The following ZBBX variants were observed in gnomAD, a reference collection of about 807,000 sequenced individuals.
ZBBX encodes zinc finger B-box domain containing, also known as zinc finger B-box domain-containing protein 1.
Under a neutral mutation model 108.5 loss-of-function variants are expected in ZBBX, and 101 were observed. The ratio of observed to expected loss-of-function variants is 0.93; its 90% CI spans 0.79 to 1.10. ZBBX has a LOEUF of 1.10. ZBBX is among the 50% of genes least tolerant of loss of function. ZBBX has a pLI of 0.00. For missense variants in ZBBX, 1,009 were observed against 941.4 expected, an observed-to-expected ratio of 1.07 and a Z score of -0.94; for synonymous variants, 356 against 323.4, an observed-to-expected ratio of 1.10 and a Z score of -1.08.
intron 20 of ZBBX, among the ~76,000 whole-genome samples, chr3:167,272,064 A>T (rs1233616817): frequency 6.6e-6 from 1 of 152,198 alleles, no homozygotes; most frequent in Non-Finnish European, 1.5e-5. Context: ...AGTAGAAAGG[A>T]TGAATCAAAC....
the ZBBX span, among the ~76,000 whole-genome samples, chr3:167,204,850 T>C: frequency 2.6e-5 from 4 of 151,842 alleles, no homozygotes; most frequent in African/African-American, 9.7e-5. Context: ...TTAGAAAAGG[T>C]CTGTGATAAA....
intron 11 of ZBBX, among the ~76,000 whole-genome samples, chr3:167,326,209 T>G (rs543550465): frequency 4.6e-5 from 7 of 152,168 alleles, no homozygotes; most frequent in Non-Finnish European, 8.8e-5. Context: ...AATGATTGTG[T>G]GTATCTCTAT....
chr3:167,237,103 A>T (rs1720262109), downstream of ZBBX, among the ~76,000 whole-genome samples: 1 of 151,762 alleles, frequency 6.6e-6, no homozygotes, highest in Non-Finnish European at 1.5e-5. Flanking sequence ...AATAGCTGAG[A>T]AGCCATTTCA....
At chr3:167,335,016 C>T (rs1029513043) in intron 9 of ZBBX, among the ~76,000 whole-genome samples, 3 of 152,092 alleles carry the variant, frequency 2.0e-5, no homozygotes, top group Admixed American at 6.6e-5. Context: ...TCTGCATTCA[C>T]GCCATTACTC....
At chr3:167,211,329 G>C in the ZBBX span, among the ~76,000 whole-genome samples, 1 of 152,172 alleles carries the variant, frequency 6.6e-6, no homozygotes, top group African/African-American at 2.4e-5. Flanking sequence ...GAGTTTCGCA[G>C]AGCAGCCACT....
In ZBBX at chr3:167,402,785, TAA is replaced by T. The variant is rs58918452; in HGVS notation, c.-446+4939_-446+4940del. Among the ~76,000 whole-genome samples the T allele has an allele frequency of 2.5e-3, 339 of 134,756 alleles. 4 individuals are homozygous for T. In the East Asian group the frequency reaches 0.029, roughly 11 times the overall value. 88.4% of individuals were successfully genotyped at this position (134,756 alleles called of 152,430 possible). A position where few individuals can be genotyped will look rare whatever the true frequency, so the allele number is the denominator to read the frequency against. ...TTATATATCTGTAAACTACAATATGTAAAAAAAAAAAATAGATGAACTATACA... is the reference window on the plus strand; with the variant it reads ...TTATATATCTGTAAACTACAATATGTAAAAAAAAAATAGATGAACTATACA... On this transcript the variant is annotated intron_variant, in intron 1 of 21. Transcript: ENST00000455345.
At chr3:167,247,028 G>T (rs984588800) in intron 20 of ZBBX, among the ~76,000 whole-genome samples, 2 of 152,162 alleles carry the variant, frequency 1.3e-5, no homozygotes, top group Non-Finnish European at 2.9e-5. Flanking sequence ...ATAGAGAAAG[G>T]CAGGTCCCTG....
chr3:167,312,717 A>G (rs1734799126), intron 16 of ZBBX, among the ~76,000 whole-genome samples: 1 of 152,180 alleles, frequency 6.6e-6, no homozygotes, highest in African/African-American at 2.4e-5. Flanking sequence ...AACTATACTC[A>G]TCTTCAGGAC....
At chr3:167,269,009 A>C (rs556360204) in intron 20 of ZBBX, among the ~76,000 whole-genome samples, 1 of 152,310 alleles carries the variant, frequency 6.6e-6, no homozygotes, top group African/African-American at 2.4e-5. Flanking sequence ...AAGAAGGACA[A>C]GAGAGGTGTT....
chr3:167,211,516 C>A, the ZBBX span, among the ~76,000 whole-genome samples: 3 of 152,168 alleles, frequency 2.0e-5, no homozygotes, highest in African/African-American at 7.2e-5. Flanking sequence ...CAAGATAAGA[C>A]CCACTGGCTT....
At chr3:167,339,821 C>T (rs1213073925) in intron 9 of ZBBX, among the ~76,000 whole-genome samples, 1 of 152,034 alleles carries the variant, frequency 6.6e-6, no homozygotes, top group African/African-American at 2.4e-5. Context: ...CCTCTCCTTG[C>T]CTCTCACGCG....
chr3:167,351,169 G>A (rs190049313), intron 8 of ZBBX, among the ~76,000 whole-genome samples: 1 of 151,712 alleles, frequency 6.6e-6, no homozygotes, highest in African/African-American at 2.4e-5. Flanking sequence ...AAATGATTAT[G>A]GGCAAGTTTA....
At chr3:167,294,296 T>TA (rs1219795630) in intron 18 of ZBBX, among the ~76,000 whole-genome samples, 1 of 152,124 alleles carries the variant, frequency 6.6e-6, no homozygotes, top group Non-Finnish European at 1.5e-5. Flanking sequence ...CTTTAAAGTA[T>TA]ACTACAAGGC....
intron 1 of ZBBX, among the ~76,000 whole-genome samples, chr3:167,389,534 G>A (rs1748026160): frequency 6.6e-6 from 1 of 152,080 alleles, no homozygotes; most frequent in African/African-American, 2.4e-5. Flanking sequence ...TCTGATTCTA[G>A]ATCCTTGAGG....
At chr3:167,231,030 C>T in the ZBBX span, among the ~76,000 whole-genome samples, 2 of 151,736 alleles carry the variant, frequency 1.3e-5, no homozygotes, top group African/African-American at 4.8e-5. Context: ...TCGAAGGAAA[C>T]TCCTAGAGTC....
intron 20 of ZBBX, among the ~76,000 whole-genome samples, chr3:167,271,618 G>C (rs1726534288): frequency 6.6e-6 from 1 of 152,164 alleles, no homozygotes. Flanking sequence ...GTGTGACGTA[G>C]TTCTCAGAGT....
intron 20 of ZBBX, among the ~76,000 whole-genome samples, chr3:167,251,781 G>A (rs1343526759): frequency 6.6e-6 from 1 of 152,110 alleles, no homozygotes; most frequent in East Asian, 1.9e-4. Context: ...TGCAATGACA[G>A]ATTAGGGAAG....
chr3:167,388,177 G>A (rs901112855), intron 1 of ZBBX, among the ~76,000 whole-genome samples: 5 of 151,916 alleles, frequency 3.3e-5, no homozygotes, highest in African/African-American at 9.7e-5. Flanking sequence ...AAAGAGCCAC[G>A]TTAAATGAGG....
At chr3:167,216,613 A>G in the ZBBX span, among the ~76,000 whole-genome samples, 10 of 152,270 alleles carry the variant, frequency 6.6e-5, no homozygotes, top group South Asian at 2.1e-3. Context: ...ACAGAACTAG[A>G]AAAAATTCTT....
Sources: gnomAD v4.1 joint callset for allele counts (sites outside exome capture counted in the v4.1 genomes callset) on GRCh38, gnomAD v4.1.1 for gene constraint, MANE v1.5 for transcripts, NCBI Gene and HGNC (gene_info 2026-07-23, HGNC 2026-07-21) for gene names.